SYNPR: variants seen among roughly 807,000 people sequenced by gnomAD.
The protein encoded by SYNPR is synaptoporin.
SYNPR carries 23 observed loss-of-function variants against 32.9 expected under a neutral mutation model. The ratio of observed to expected loss-of-function variants is 0.70; its 90% CI spans 0.50 to 0.99. The LOEUF (loss-of-function observed/expected upper bound fraction) is 0.99, where lower values mean the gene tolerates loss of function less well. Ranked by LOEUF, SYNPR falls within the 50% of genes least tolerant of loss-of-function variation. The pLI, the probability that SYNPR is intolerant of heterozygous loss-of-function variation, is 0.00. For synonymous variants in SYNPR, 146 were observed against 135.9 expected (o/e 1.07, Z -0.52); for missense variants, 318 against 349.3 (o/e 0.91, Z 0.71).
At chr3:63,418,503 C>A (rs912562964) in intron 2 of SYNPR, among the ~76,000 whole-genome samples, 1 of 152,158 alleles carries the variant, frequency 6.6e-6, no homozygotes, top group African/African-American at 2.4e-5. Flanking sequence ...TCTACCAGTA[C>A]TAATTTACTG....
intron 2 of SYNPR, among the ~76,000 whole-genome samples, chr3:63,380,676 C>T (rs2087955577): frequency 6.6e-6 from 1 of 152,088 alleles, no homozygotes; most frequent in African/African-American, 2.4e-5. Context: ...AAACCGAATC[C>T]AGCAGCACAT....
At chr3:63,248,242 GT>G (rs1230206742) in intron 1 of SYNPR, among the ~76,000 whole-genome samples, 2 of 152,106 alleles carry the variant, frequency 1.3e-5, no homozygotes, top group Non-Finnish European at 2.9e-5. Flanking sequence ...CTTTGGGCAA[GT>G]TTTTTTAACC....
chr3:63,327,795 A>C (rs2087183332), intron 2 of SYNPR, among the ~76,000 whole-genome samples: 1 of 152,130 alleles, frequency 6.6e-6, no homozygotes, highest in Non-Finnish European at 1.5e-5. Context: ...AGGTTAAGGA[A>C]GGGGCTTCTG....
At chr3:63,548,763 A>G (rs1208257162) in intron 3 of SYNPR, among the ~76,000 whole-genome samples, 1 of 152,158 alleles carries the variant, frequency 6.6e-6, no homozygotes, top group East Asian at 1.9e-4. Flanking sequence ...CCAGAAATTC[A>G]ATGACAGCAG....
At chr3:63,614,574 T>A (rs892822415) in intron 5 of SYNPR, among the ~76,000 whole-genome samples, 2 of 152,224 alleles carry the variant, frequency 1.3e-5, no homozygotes, top group African/African-American at 4.8e-5. Flanking sequence ...GCACAGAAAG[T>A]GCAATTATTC....
In SYNPR at chr3:63,418,645, G is replaced by C. The variant is rs144718509; in HGVS notation, c.85-62187G>C. On this transcript the variant is annotated intron_variant, in intron 2 of 5. Transcript: ENST00000478300. ...CACAACTATGGTGGAAAACAAAGAG[G>C]AACAAGCCACGTCTTACACAACATG... 3.3e-3 allele frequency among the ~76,000 whole-genome samples: 498 copies of C among 152,298 alleles called. 8 individuals are homozygous for C. Among genetic ancestry groups the C allele is most frequent in the Admixed American group, 0.026 (395 of 15,294 alleles).
intron 3 of SYNPR, among the ~76,000 whole-genome samples, chr3:63,523,033 G>A (rs1701944065): frequency 6.6e-6 from 1 of 152,140 alleles, no homozygotes; most frequent in African/African-American, 2.4e-5. Flanking sequence ...TTGGTTTGGA[G>A]TCAGGTTGTA....
intron 2 of SYNPR, among the ~76,000 whole-genome samples, chr3:63,312,688 T>C (rs1189745909): frequency 6.6e-6 from 1 of 152,014 alleles, no homozygotes; most frequent in African/African-American, 2.4e-5. Flanking sequence ...TGATGACCTG[T>C]CCATTGTGTT....
chr3:63,580,764 T>A (rs2106860649), intron 4 of SYNPR, among the ~76,000 whole-genome samples: 1 of 152,288 alleles, frequency 6.6e-6, no homozygotes, highest in African/African-American at 2.4e-5. Flanking sequence ...GTTAGTCTCC[T>A]TATACAGTTC....
At chr3:63,308,360 C>T (rs963432394) in intron 2 of SYNPR, among the ~76,000 whole-genome samples, 50 of 152,002 alleles carry the variant, frequency 3.3e-4, no homozygotes, top group African/African-American at 1.1e-3. Context: ...TTTAACAACT[C>T]GATTGAGATA....
chr3:63,598,994 G>C (rs142959065), intron 4 of SYNPR, among the ~76,000 whole-genome samples: 1 of 152,260 alleles, frequency 6.6e-6, no homozygotes, highest in African/African-American at 2.4e-5. Flanking sequence ...TACTCAGGCA[G>C]ACCATTACAT....
At chr3:63,223,987 G>A (rs2086111481), upstream of SYNPR, among the ~76,000 whole-genome samples, 1 of 152,184 alleles carries the variant, frequency 6.6e-6, no homozygotes, top group Non-Finnish European at 1.5e-5. Context: ...ACTTCAAAAA[G>A]TGAATAAGAT....
intron 2 of SYNPR, among the ~76,000 whole-genome samples, chr3:63,301,005 A>G (rs1026250986): frequency 1.3e-5 from 2 of 152,268 alleles, no homozygotes; most frequent in Non-Finnish European, 1.5e-5. Flanking sequence ...TGTTGGAAAT[A>G]GTTCTATTAA....
intron 3 of SYNPR, among the ~76,000 whole-genome samples, chr3:63,534,809 T>C: frequency 6.6e-6 from 1 of 152,132 alleles, no homozygotes; most frequent in South Asian, 2.1e-4. Context: ...GGTCAGGCTC[T>C]TTTTAACAAC....
At chr3:63,542,744 G>A (rs1702329562) in intron 3 of SYNPR, among the ~76,000 whole-genome samples, 1 of 152,064 alleles carries the variant, frequency 6.6e-6, no homozygotes, top group Non-Finnish European at 1.5e-5. Flanking sequence ...GAATGATGAT[G>A]ACAATAAAAA....
intron 3 of SYNPR, among the ~76,000 whole-genome samples, chr3:63,536,064 G>A (rs1415792878): frequency 6.6e-6 from 1 of 151,960 alleles, no homozygotes; most frequent in Middle Eastern, 3.4e-3. Context: ...CCAAAAATTC[G>A]AGACCAGCCT....
At chr3:63,404,115 G>A (rs1050170243) in intron 2 of SYNPR, among the ~76,000 whole-genome samples, 1 of 152,196 alleles carries the variant, frequency 6.6e-6, no homozygotes, top group Non-Finnish European at 1.5e-5. Flanking sequence ...AGGCAACAGA[G>A]CATTCGTTTT....
intron 2 of SYNPR, among the ~76,000 whole-genome samples, chr3:63,392,321 A>G (rs17068443): frequency 0.11 from 16,880 of 152,224 alleles, 1,407 homozygotes; most frequent in East Asian, 0.43. Context: ...AGGTTACGCC[A>G]TTGTACACAA....
At chr3:63,292,927 T>C (rs976571350) in intron 2 of SYNPR, among the ~76,000 whole-genome samples, 3 of 152,072 alleles carry the variant, frequency 2.0e-5, no homozygotes, top group African/African-American at 7.2e-5. Context: ...TAGACCAGAG[T>C]GTCAAGTTCT....
Sources: gnomAD v4.1 joint callset for allele counts (sites outside exome capture counted in the v4.1 genomes callset) on GRCh38, gnomAD v4.1.1 for gene constraint, MANE v1.5 for transcripts, NCBI Gene and HGNC (gene_info 2026-07-23, HGNC 2026-07-21) for gene names.